The following SLC9A9 variants were observed in gnomAD, a reference collection of about 807,000 sequenced individuals.
SLC9A9 encodes solute carrier family 9 member A9.
In SLC9A9, 62 loss-of-function variants were observed where a neutral mutation model predicts 77.8. The ratio of observed to expected loss-of-function variants is 0.80; its 90% confidence interval spans 0.65 to 0.98. SLC9A9 has a LOEUF of 0.98. Ranked by LOEUF, SLC9A9 falls within the 50% of genes least tolerant of loss-of-function variation. SLC9A9 has a pLI of 0.00. For synonymous variants in SLC9A9, 320 were observed against 283.5 expected, an observed-to-expected ratio of 1.13 and a Z score of -1.29; for missense variants, 775 against 774.9, an observed-to-expected ratio of 1.00 and a Z score of 0.00.
At chr3:143,583,530 T>C (rs1168978735) in intron 6 of SLC9A9, among the ~76,000 whole-genome samples, 2 of 152,256 alleles carry the variant, frequency 1.3e-5, no homozygotes, top group African/African-American at 2.4e-5. Flanking sequence ...AATCTGAATC[T>C]GAGTTCTGGG....
chr3:143,493,958 G>C (rs2035792227), intron 10 of SLC9A9, among the ~76,000 whole-genome samples, 194 bp from the exon 11 acceptor site: 1 of 152,142 alleles, frequency 6.6e-6, no homozygotes, highest in Admixed American at 6.5e-5. Context: ...AGAAATAATA[G>C]AGAACTCTGC....
intron 5 of SLC9A9, among the ~76,000 whole-genome samples, chr3:143,666,239 G>A (rs1286511250): frequency 6.6e-6 from 1 of 152,114 alleles, no homozygotes; most frequent in Non-Finnish European, 1.5e-5. Context: ...AAAACCACAT[G>A]ATTATCTCAA....
At chr3:143,408,651 A>C (rs1334910692) in intron 12 of SLC9A9, among the ~76,000 whole-genome samples, 1 of 152,240 alleles carries the variant, frequency 6.6e-6, no homozygotes, top group East Asian at 1.9e-4. Flanking sequence ...TCCAAATCTG[A>C]AAGTCTATTT....
chr3:143,789,072 G>A lies in SLC9A9; in HGVS notation c.533+5929C>T, dbSNP rs116165753. On this transcript the variant is annotated intron_variant, in intron 4 of 15. Transcript: ENST00000316549. ...TTTTGAAAAAATAAATTCATTTCTCGACTCTAAAACTCAGCACATCCACTG... is the reference window on the plus strand; with the variant it reads ...TTTTGAAAAAATAAATTCATTTCTCAACTCTAAAACTCAGCACATCCACTG... 9.3e-4 allele frequency among the ~76,000 whole-genome samples: 141 copies of A among 152,164 alleles called. 1 individual carries two copies. In the East Asian group the frequency reaches 0.014, roughly 15 times the overall value.
intron 14 of SLC9A9, among the ~76,000 whole-genome samples, chr3:143,305,850 C>T (rs770537587): frequency 1.3e-5 from 2 of 152,214 alleles, no homozygotes; most frequent in Non-Finnish European, 2.9e-5. Flanking sequence ...ACTGTCTCCT[C>T]AGCTTCTTTC....
intron 14 of SLC9A9, among the ~76,000 whole-genome samples, chr3:143,316,987 C>T (rs890757745): frequency 4.6e-5 from 7 of 152,072 alleles, no homozygotes; most frequent in African/African-American, 1.7e-4. Flanking sequence ...CCTAGGGTTG[C>T]AGTGAGGATT....
At chr3:143,347,330 A>T (rs1353624420) in intron 14 of SLC9A9, among the ~76,000 whole-genome samples, 2 of 152,240 alleles carry the variant, frequency 1.3e-5, no homozygotes, top group African/African-American at 2.4e-5. Flanking sequence ...GGAAAGAAGC[A>T]GAAATAGTTT....
intron 4 of SLC9A9, among the ~76,000 whole-genome samples, chr3:143,713,383 G>A (rs1290208316): frequency 6.6e-6 from 1 of 152,218 alleles, no homozygotes; most frequent in East Asian, 1.9e-4. Context: ...GTAGGGCTGT[G>A]TTTGCTGGCT....
chr3:143,618,138 C>T (rs184907196), intron 6 of SLC9A9, among the ~76,000 whole-genome samples: 41 of 152,278 alleles, frequency 2.7e-4, no homozygotes, highest in African/African-American at 9.1e-4. Flanking sequence ...TCTTGGAGTG[C>T]TGGAACCGTG....
intron 12 of SLC9A9, among the ~76,000 whole-genome samples, chr3:143,422,844 T>C (rs937721865): frequency 6.6e-6 from 1 of 152,214 alleles, no homozygotes; most frequent in African/African-American, 2.4e-5. Flanking sequence ...CCTGGCCCTG[T>C]GCTCTTCCCT....
At chr3:143,413,998 A>G (rs1291012897) in intron 12 of SLC9A9, among the ~76,000 whole-genome samples, 3 of 152,282 alleles carry the variant, frequency 2.0e-5, no homozygotes, top group Non-Finnish European at 4.4e-5. Context: ...TGCCTGGCCC[A>G]GGGCTAGACA....
At chr3:143,423,379 T>C (rs1356713979) in intron 12 of SLC9A9, among the ~76,000 whole-genome samples, 1 of 151,936 alleles carries the variant, frequency 6.6e-6, no homozygotes, top group Non-Finnish European at 1.5e-5. Context: ...ATACAATTCT[T>C]CATGTAAAGG....
rs1933620756 is a variant in SLC9A9, at chr3:143,695,804, T to C, written c.534-2497A>G. ...CTAATTTACACTCCCATTAACAGTGTAAAAGCAGCTGTTGTTTCCTGACTT... is the reference window on the plus strand; with the variant it reads ...CTAATTTACACTCCCATTAACAGTGCAAAAGCAGCTGTTGTTTCCTGACTT... On this transcript the variant is annotated intron_variant, in intron 4 of 15. Coordinates refer to ENST00000316549, the MANE Select transcript of SLC9A9 (RefSeq NM_173653.4). 2.0e-5 allele frequency among the ~76,000 whole-genome samples: 3 copies of C among 151,852 alleles called. No homozygotes were observed. The South Asian group carries it at 6.2e-4, about 32-fold the overall frequency.
chr3:143,807,606 A>G lies in SLC9A9; in HGVS notation c.379-10703T>C, dbSNP rs572015807. 3.3e-5 allele frequency among the ~76,000 whole-genome samples: 5 copies of G among 152,300 alleles called. No homozygotes were observed. The South Asian group carries it at 6.2e-4, about 19-fold the overall frequency. Reference sequence around the variant, plus strand: ...CTAAAAATACAAAAATTAGCTGGGCATGGTGGCTCATGCCTGTAATCCCAG... The same window carrying G: ...CTAAAAATACAAAAATTAGCTGGGCGTGGTGGCTCATGCCTGTAATCCCAG... On this transcript the variant is annotated intron_variant, in intron 2 of 15. Coordinates refer to ENST00000316549, the MANE Select transcript of SLC9A9 (RefSeq NM_173653.4).
At chr3:143,797,925 C>T (rs1348352362) in intron 2 of SLC9A9, among the ~76,000 whole-genome samples, 1 of 152,216 alleles carries the variant, frequency 6.6e-6, no homozygotes, top group Non-Finnish European at 1.5e-5. Flanking sequence ...GGTCTCTTCA[C>T]ACAGATGCAT....
At chr3:143,308,658 A>C (rs2030905215) in intron 14 of SLC9A9, among the ~76,000 whole-genome samples, 1 of 152,130 alleles carries the variant, frequency 6.6e-6, no homozygotes, top group South Asian at 2.1e-4. Context: ...GGGGGTCTCT[A>C]GGTAACTGCT....
At chr3:143,540,079 G>A (rs928173595) in intron 9 of SLC9A9, among the ~76,000 whole-genome samples, 11 of 152,082 alleles carry the variant, frequency 7.2e-5, no homozygotes, top group African/African-American at 2.7e-4. Context: ...GGAAGATTTT[G>A]GAGACTTGTT....
chr3:143,354,046 G>T (rs1242586403), intron 14 of SLC9A9, among the ~76,000 whole-genome samples: 11 of 152,066 alleles, frequency 7.2e-5, no homozygotes, highest in Admixed American at 7.2e-4. Flanking sequence ...GACTTCAAAG[G>T]CTTATTCATT....
intron 12 of SLC9A9, among the ~76,000 whole-genome samples, chr3:143,387,664 A>G (rs2033459907): frequency 6.6e-6 from 1 of 152,136 alleles, no homozygotes; most frequent in South Asian, 2.1e-4. Flanking sequence ...CTCAATTTTC[A>G]GAGCAAAACA....
Sources: allele counts gnomAD v4.1 joint callset (sites outside exome capture counted in the v4.1 genomes callset), GRCh38; gene constraint gnomAD v4.1.1; transcripts MANE v1.5; gene names NCBI Gene and HGNC (gene_info 2026-07-23, HGNC 2026-07-21).